The following CNTNAP2 variants were observed in gnomAD, a reference collection of about 807,000 sequenced individuals.
CNTNAP2 encodes the protein contactin associated protein 2.
Under a neutral mutation model 155.2 loss-of-function variants are expected in CNTNAP2, and 98 were observed. The ratio of observed to expected loss-of-function variants is 0.63; its 90% CI spans 0.54 to 0.75. The LOEUF (loss-of-function observed/expected upper bound fraction) is 0.75. Ranked by LOEUF, CNTNAP2 falls within the 30% of genes least tolerant of loss-of-function variation. The probability of loss-of-function intolerance (pLI) is 0.00; values close to 1 mark genes in which losing one functional copy is unlikely to be tolerated. For synonymous variants in CNTNAP2, 651 were observed against 631.2 expected (o/e 1.03, Z -0.47); for missense variants, 1,727 against 1,688.1 (o/e 1.02, Z -0.40).
chr7:147,089,012 GAGAGAA>G (rs57021242), intron 4 of CNTNAP2, among the ~76,000 whole-genome samples: 2,608 of 151,674 alleles, frequency 0.017, 57 homozygotes, highest in African/African-American at 0.047. Context: ...GAGAGAGAAA[GAGAGAA>G]AGAGAAAGAG....
intron 8 of CNTNAP2, among the ~76,000 whole-genome samples, chr7:147,160,305 T>C (rs1009781063): frequency 6.6e-6 from 1 of 152,072 alleles, no homozygotes; most frequent in African/African-American, 2.4e-5. Context: ...ATGTTCATAT[T>C]CTCAGGAACC....
chr7:148,132,303 T>C (rs1342361590), intron 16 of CNTNAP2, among the ~76,000 whole-genome samples: 1 of 152,032 alleles, frequency 6.6e-6, no homozygotes, highest in Non-Finnish European at 1.5e-5. Flanking sequence ...TATACGGGAG[T>C]GTGGTCACAG....
In CNTNAP2 at chr7:148,040,840, A is replaced by C. The variant is rs554109945; in HGVS notation, c.2383+62851A>C. Among the ~76,000 whole-genome samples the C allele has an allele frequency of 9.8e-5, 12 of 121,900 alleles. No homozygotes were observed. The East Asian group carries it at 4.6e-3, about 47-fold the overall frequency. The allele number at this position is 121,900 out of a possible 152,430, so 80.0% of individuals were successfully genotyped here. A position where few individuals can be genotyped will look rare whatever the true frequency, so the allele number is the denominator to read the frequency against. ...CTAGGTAGGAAATGGAAAGAGAGCA[A>C]ATTTTTTTTTTTAAGAGGCAGCTGG... On this transcript the variant is annotated intron_variant, in intron 15 of 23. Transcript: ENST00000361727.
intron 13 of CNTNAP2, among the ~76,000 whole-genome samples, chr7:147,833,606 A>G (rs1192959442): frequency 6.6e-6 from 1 of 152,120 alleles, no homozygotes; most frequent in Non-Finnish European, 1.5e-5. Flanking sequence ...ACTCAAGGAA[A>G]CTTCCCCACA....
chr7:146,634,236 A>G (rs1005958058), intron 1 of CNTNAP2, among the ~76,000 whole-genome samples: 2 of 152,218 alleles, frequency 1.3e-5, no homozygotes, highest in African/African-American at 4.8e-5. Context: ...GATTATCTAG[A>G]GTATTTTACT....
intron 11 of CNTNAP2, among the ~76,000 whole-genome samples, chr7:147,545,033 G>A (rs577219109): frequency 1.3e-5 from 2 of 151,864 alleles, no homozygotes; most frequent in South Asian, 2.1e-4. Context: ...ACACATACAC[G>A]TACTCATAGA....
At chr7:148,099,971 T>C (rs10233900) in intron 15 of CNTNAP2, among the ~76,000 whole-genome samples, 6,670 of 149,366 alleles carry the variant, frequency 0.045, 491 homozygotes, top group African/African-American at 0.16. Flanking sequence ...CTCCTGGGTT[T>C]AAGCAATTCT....
At chr7:147,588,336 T>C (rs949386801) in intron 12 of CNTNAP2, among the ~76,000 whole-genome samples, 2 of 152,096 alleles carry the variant, frequency 1.3e-5, no homozygotes, top group Admixed American at 1.3e-4. Flanking sequence ...GATGATCAGC[T>C]AGAACCAGAT....
chr7:146,697,373 A>G (rs534478239), intron 1 of CNTNAP2, among the ~76,000 whole-genome samples: 1 of 151,952 alleles, frequency 6.6e-6, no homozygotes, highest in South Asian at 2.1e-4. Context: ...GAGTAGCTGG[A>G]ACTACAGGCA....
chr7:147,235,860 C>T (rs1803793350), intron 8 of CNTNAP2, among the ~76,000 whole-genome samples: 2 of 152,194 alleles, frequency 1.3e-5, no homozygotes, highest in African/African-American at 2.4e-5. Flanking sequence ...ACTACATGCA[C>T]ATCTGTGTGT....
chr7:146,982,813 C>A (rs1048668362), intron 3 of CNTNAP2, among the ~76,000 whole-genome samples: 1 of 152,220 alleles, frequency 6.6e-6, no homozygotes, highest in African/African-American at 2.4e-5. Flanking sequence ...GACAGCTCTA[C>A]TTTTGCATTT....
At position 147,401,929 on chromosome 7, in the gene CNTNAP2, G is replaced by A. The variant is rs562608578; in HGVS notation, c.1670+6149G>A. Among the ~76,000 whole-genome samples the A allele has an allele frequency of 8.1e-5, 12 of 148,176 alleles. No homozygotes were observed. The East Asian group carries it at 1.5e-3, about 19-fold the overall frequency. ...GTCTCAAGCAGTTCGTTATAGCAAC[G>A]TGAAAATGGACTAAAACAAAAGAGG... On this transcript the variant is annotated intron_variant, in intron 10 of 23. Coordinates refer to ENST00000361727, the MANE Select transcript of CNTNAP2 (RefSeq NM_014141.6).
At chr7:146,539,881 AC>A (rs1430281427) in intron 1 of CNTNAP2, among the ~76,000 whole-genome samples, 1 of 152,108 alleles carries the variant, frequency 6.6e-6, no homozygotes, top group Non-Finnish European at 1.5e-5. Flanking sequence ...TAAAAGAAAA[AC>A]AAAACAACAG....
intron 13 of CNTNAP2, among the ~76,000 whole-genome samples, chr7:147,688,181 T>C (rs1158738873): frequency 6.6e-6 from 1 of 152,090 alleles, no homozygotes; most frequent in African/African-American, 2.4e-5. Flanking sequence ...ATTTGACGCA[T>C]TCCTGGGAAG....
chr7:146,714,638 G>A (rs899631359), intron 1 of CNTNAP2, among the ~76,000 whole-genome samples: 2 of 152,096 alleles, frequency 1.3e-5, no homozygotes, highest in Non-Finnish European at 2.9e-5. Flanking sequence ...TAGGAACATA[G>A]AATCAGACAA....
rs1002170530 is a variant in CNTNAP2, at chr7:147,149,495, G to C, written c.1348+16986G>C. ...AAAAAGGGCAAAAAGAAAGAAATTAGTTTGGAGAGGTAGGTAGAGGCCAGA... is the reference window on the plus strand; with the variant it reads ...AAAAAGGGCAAAAAGAAAGAAATTACTTTGGAGAGGTAGGTAGAGGCCAGA... On this transcript the variant is annotated intron_variant, in intron 8 of 23. Transcript: ENST00000361727. Among the ~76,000 whole-genome samples the C allele has an allele frequency of 2.0e-5, 3 of 152,328 alleles. No homozygotes were observed. The South Asian group carries it at 6.2e-4, about 32-fold the overall frequency.
At chr7:147,345,812 T>C (rs1266336793) in intron 9 of CNTNAP2, among the ~76,000 whole-genome samples, 1 of 152,202 alleles carries the variant, frequency 6.6e-6, no homozygotes, top group Non-Finnish European at 1.5e-5. Flanking sequence ...AATTTATCAC[T>C]GTATTTCCAT....
intron 3 of CNTNAP2, among the ~76,000 whole-genome samples, chr7:146,858,520 C>T (rs942617937): frequency 1.3e-5 from 2 of 152,114 alleles, no homozygotes; most frequent in Non-Finnish European, 1.5e-5. Flanking sequence ...ATGGCAAAAC[C>T]GTGTTTCTAC....
At chr7:146,397,777 G>A (rs1032598389) in intron 1 of CNTNAP2, among the ~76,000 whole-genome samples, 2 of 151,846 alleles carry the variant, frequency 1.3e-5, no homozygotes, top group African/African-American at 4.8e-5. Flanking sequence ...AGCCCCAAAA[G>A]AGAAAGAACA....
Sources: allele counts gnomAD v4.1 joint callset (sites outside exome capture counted in the v4.1 genomes callset), GRCh38; gene constraint gnomAD v4.1.1; transcripts MANE v1.5; gene names NCBI Gene and HGNC (gene_info 2026-07-23, HGNC 2026-07-21).